DPY19L1: variants seen among roughly 807,000 people sequenced by gnomAD.
DPY19L1 encodes the protein dpy-19 like C-mannosyltransferase 1.
In DPY19L1, 35 loss-of-function variants were observed where a neutral mutation model predicts 96.9. That is an observed-to-expected ratio of 0.36 (90% CI 0.28 to 0.48). DPY19L1 has a LOEUF of 0.48. Ranked by LOEUF, DPY19L1 falls within the 20% of genes least tolerant of loss-of-function variation. DPY19L1 has a pLI of 0.99. For synonymous variants in DPY19L1, 205 were observed against 252.6 expected (o/e 0.81, Z 1.79); for missense variants, 521 against 777.9 (o/e 0.67, Z 3.93).
chr7:34,963,732 A>G (rs1344902870), intron 10 of DPY19L1, among the ~76,000 whole-genome samples: 1 of 151,650 alleles, frequency 6.6e-6, no homozygotes, highest in Non-Finnish European at 1.5e-5. Flanking sequence ...GTGTCTGTGT[A>G]CACACCATGG....
chr7:34,975,947 G>A (rs1471292043), intron 7 of DPY19L1, among the ~76,000 whole-genome samples: 1 of 152,212 alleles, frequency 6.6e-6, no homozygotes, highest in Non-Finnish European at 1.5e-5. Context: ...CTCATTGACA[G>A]TGCACTTGGT....
intron 16 of DPY19L1, among the ~76,000 whole-genome samples, chr7:34,944,028 G>A (rs1228079629): frequency 6.6e-6 from 1 of 152,084 alleles, no homozygotes; most frequent in Non-Finnish European, 1.5e-5. Flanking sequence ...CAGAGACTTG[G>A]AGGTGAGGGA....
intron 6 of DPY19L1, among the ~76,000 whole-genome samples, chr7:35,005,810 CAA>C (rs3048618): frequency 0.2 from 29,202 of 143,320 alleles, 3,196 homozygotes; most frequent in Admixed American, 0.36. Flanking sequence ...GATTTCGTCT[CAA>C]AAAAAAAAAA....
At chr7:34,935,684 G>A (rs1297512577) in intron 21 of DPY19L1, among the ~76,000 whole-genome samples, 1 of 152,096 alleles carries the variant, frequency 6.6e-6, no homozygotes, top group Admixed American at 6.5e-5. Flanking sequence ...TCACGTCCCA[G>A]CAATCTACAG....
chr7:34,940,672 C>A, intron 18 of DPY19L1: 1 of 175,548 alleles, frequency 5.7e-6, no homozygotes, highest in Non-Finnish European at 1.4e-5. Context: ...AGCAAACATT[C>A]AATCAAGTTC....
At chr7:35,023,770 A>T (rs1223948462) in intron 1 of DPY19L1, among the ~76,000 whole-genome samples, 4 of 151,180 alleles carry the variant, frequency 2.6e-5, no homozygotes, top group Non-Finnish European at 5.9e-5. Flanking sequence ...TATGCTGGGC[A>T]TTTAATGACC....
chr7:34,959,920 TA>T (rs1562806943), intron 10 of DPY19L1, among the ~76,000 whole-genome samples: 6,513 of 33,402 alleles, frequency 0.19, 182 homozygotes, highest in South Asian at 0.27. Flanking sequence ...TATATATATA[TA>T]TATTTATATA....
intron 4 of DPY19L1, among the ~76,000 whole-genome samples, chr7:35,012,237 C>G (rs1785729927): frequency 6.6e-6 from 1 of 152,220 alleles, no homozygotes; most frequent in South Asian, 2.1e-4. Context: ...CTCTGCAAAG[C>G]CATCCCAGAT....
chr7:35,019,191 T>A (rs1785930916), intron 1 of DPY19L1, among the ~76,000 whole-genome samples: 1 of 152,120 alleles, frequency 6.6e-6, no homozygotes, highest in African/African-American at 2.4e-5. Context: ...AAGACACCAT[T>A]CAATTTTCTT....
At chr7:35,017,778 C>A in intron 3 of DPY19L1, 104 bp downstream of exon 3, 2 of 821,362 alleles carry the variant, frequency 2.4e-6, no homozygotes, top group Non-Finnish European at 3.6e-6. Flanking sequence ...GGTGGAGCAT[C>A]TACTCTTTCT....
intron 21 of DPY19L1, among the ~76,000 whole-genome samples, chr7:34,934,609 C>T (rs1454010603): frequency 6.6e-6 from 1 of 152,132 alleles, no homozygotes; most frequent in Non-Finnish European, 1.5e-5. Flanking sequence ...TCCTGCAAGA[C>T]AATTTTTCCA....
chr7:34,996,198 T>C (rs1342306779), intron 6 of DPY19L1, among the ~76,000 whole-genome samples: 1 of 152,222 alleles, frequency 6.6e-6, no homozygotes, highest in Admixed American at 6.5e-5. Flanking sequence ...AATAGAACTA[T>C]TCAATCAAAA....
At position 35,022,662 on chromosome 7, in the gene DPY19L1, C is replaced by T. The variant is rs552589954; in HGVS notation, c.299-4066G>A. Among the ~76,000 whole-genome samples the T allele has an allele frequency of 6.6e-5, 10 of 152,262 alleles. No individual in the cohort carries two copies. In the East Asian group the frequency reaches 7.7e-4, roughly 12 times the overall value. Reference sequence around the variant, plus strand: ...GTACTTATTAGCACAAAGCTGAGCACGCTCAAGTGTTTGCTGAATTAATGC... The same window carrying T: ...GTACTTATTAGCACAAAGCTGAGCATGCTCAAGTGTTTGCTGAATTAATGC... On this transcript the variant is annotated intron_variant, in intron 1 of 21. Coordinates refer to ENST00000638088, the MANE Select transcript of DPY19L1 (RefSeq NM_001366673.1).
intron 6 of DPY19L1, among the ~76,000 whole-genome samples, chr7:34,991,107 C>T (rs190829787): frequency 1.1e-4 from 17 of 152,220 alleles, no homozygotes; most frequent in Non-Finnish European, 2.2e-4. Flanking sequence ...CTTTGTGGAG[C>T]TTCCATGTTC....
At chr7:35,034,111 G>A (rs1238875243) in intron 1 of DPY19L1, among the ~76,000 whole-genome samples, 16 of 152,110 alleles carry the variant, frequency 1.1e-4, no homozygotes, top group Non-Finnish European at 1.9e-4. Context: ...CAGGATTAAT[G>A]CAAAGGGGGG....
At chr7:34,998,275 A>G (rs1785338796) in intron 6 of DPY19L1, among the ~76,000 whole-genome samples, 1 of 152,218 alleles carries the variant, frequency 6.6e-6, no homozygotes, top group African/African-American at 2.4e-5. Context: ...ACAATGAAGA[A>G]CTGGGTAGAG....
rs114914276 is a variant in DPY19L1, at chr7:34,990,697, C to A, written c.765-756G>T. Reference sequence around the variant, plus strand: ...ATATGTTCCCTATTGTCCCCCAAGTCTGGGTAGGGGACATAAGGCTATCTT... The same window carrying A: ...ATATGTTCCCTATTGTCCCCCAAGTATGGGTAGGGGACATAAGGCTATCTT... On this transcript the variant is annotated intron_variant, in intron 6 of 21. Transcript: ENST00000638088. Among the ~76,000 whole-genome samples the A allele has an allele frequency of 3.9e-3, 591 of 152,292 alleles. 1 individual carries two copies. The highest frequency in any genetic ancestry group is 0.014 in the African/African-American group (561 of 41,544).
chr7:35,037,718 G>GC, upstream of DPY19L1: 1 of 686,976 alleles, frequency 1.5e-6, no homozygotes, highest in Non-Finnish European at 1.8e-6. Context: ...CGCCCCCGCC[G>GC]CCCCTCTGCG....
At chr7:35,010,317 G>A in intron 6 of DPY19L1, 151 bp downstream of exon 6, 1 of 553,614 alleles carries the variant, frequency 1.8e-6, no homozygotes. Context: ...CATGGCAGTG[G>A]TGAAATCATG....
Sources: allele counts gnomAD v4.1 joint callset (sites outside exome capture counted in the v4.1 genomes callset), GRCh38; gene constraint gnomAD v4.1.1; transcripts MANE v1.5; gene names NCBI Gene and HGNC (gene_info 2026-07-23, HGNC 2026-07-21).